PAWR: variants seen among roughly 807,000 people sequenced by gnomAD.
PAWR encodes PRKC apoptosis WT1 regulator protein.
Under a neutral mutation model 32.0 loss-of-function variants are expected in PAWR, and 23 were observed. That is an observed-to-expected ratio of 0.72 (90% CI 0.52 to 1.02). The LOEUF (loss-of-function observed/expected upper bound fraction) is 1.02. Ranked by LOEUF, PAWR falls within the 50% of genes least tolerant of loss-of-function variation. PAWR has a pLI of 0.00. For synonymous variants in PAWR, 226 were observed against 187.1 expected (o/e 1.21, Z -1.70); for missense variants, 457 against 437.7 (o/e 1.04, Z -0.39).
intron 4 of PAWR, among the ~76,000 whole-genome samples, chr12:79,607,654 G>A (rs1874241446): frequency 6.6e-6 from 1 of 151,472 alleles, no homozygotes; most frequent in Non-Finnish European, 1.5e-5. Flanking sequence ...ACCTGAGCCA[G>A]GGAATTGAGG....
chr12:79,625,094 A>G (rs1875219508), intron 2 of PAWR, among the ~76,000 whole-genome samples: 1 of 152,090 alleles, frequency 6.6e-6, no homozygotes, highest in South Asian at 2.1e-4. Context: ...TTTTGCCAAT[A>G]TAATAATTGA....
intron 2 of PAWR, among the ~76,000 whole-genome samples, chr12:79,646,260 G>T (rs184511478): frequency 3.3e-5 from 5 of 152,208 alleles, no homozygotes; most frequent in African/African-American, 1.2e-4. Flanking sequence ...AGAAAAAGCT[G>T]TAGTAGTAGT....
At chr12:79,682,866 TA>T (rs1878509207) in intron 2 of PAWR, among the ~76,000 whole-genome samples, 1 of 152,224 alleles carries the variant, frequency 6.6e-6, no homozygotes, top group Non-Finnish European at 1.5e-5. Flanking sequence ...GTAAGATTTG[TA>T]ATCAATGGGA....
intron 2 of PAWR, among the ~76,000 whole-genome samples, chr12:79,682,673 T>C (rs1238095963): frequency 6.6e-6 from 1 of 152,216 alleles, no homozygotes; most frequent in East Asian, 1.9e-4. Context: ...CGTTCAGCCA[T>C]GGTGCCCTGT....
chr12:79,608,433 A>G (rs1396636158), intron 4 of PAWR, among the ~76,000 whole-genome samples: 1 of 152,144 alleles, frequency 6.6e-6, no homozygotes, highest in Non-Finnish European at 1.5e-5. Context: ...GCGCGCTCCT[A>G]TGAGAATCTA....
Position 79,605,047 on chromosome 12 carries a change from GATA to G in PAWR, c.684-8392_684-8390del, listed in dbSNP as rs201119566. Among the ~76,000 whole-genome samples, 598 of 151,622 alleles carry G rather than the reference GATA, an allele frequency of 3.9e-3. 4 individuals are homozygous for G. The highest frequency in any genetic ancestry group is 0.022 in the East Asian group (116 of 5,182). ...CAGTTTATCACATGAATAGTTCTCA[GATA>G]ATATTTTATATATACTTTTTGTATC... On this transcript the variant is annotated intron_variant, in intron 4 of 6. Transcript: ENST00000328827.
intron 2 of PAWR, among the ~76,000 whole-genome samples, chr12:79,672,864 C>T (rs905757625): frequency 1.3e-5 from 2 of 152,152 alleles, no homozygotes; most frequent in East Asian, 1.9e-4. Context: ...TTTCCCACCA[C>T]TATCTGTCCT....
chr12:79,649,339 A>G (rs1312696620), intron 2 of PAWR, among the ~76,000 whole-genome samples: 1 of 152,158 alleles, frequency 6.6e-6, no homozygotes, highest in African/African-American at 2.4e-5. Flanking sequence ...CTTTATGTTA[A>G]GGACATTTAT....
intron 2 of PAWR, among the ~76,000 whole-genome samples, chr12:79,648,615 T>C (rs1462164422): frequency 6.9e-5 from 8 of 116,188 alleles, no homozygotes; most frequent in Non-Finnish European, 1.3e-4. Flanking sequence ...AGACCCTGTC[T>C]CTAAAAAAAA....
Position 79,596,647 on chromosome 12 carries a change from A to T in PAWR, c.695T>A (p.Val232Asp), listed in dbSNP as rs766046124. 1 of 1,587,182 alleles carries T rather than the reference A, an allele frequency of 6.3e-7. No individual in the cohort carries two copies. The highest frequency in any genetic ancestry group is 8.6e-7 in the Non-Finnish European group (1 of 1,167,650). ...VSGRYKSTTS[V>D]SEEDVSSRYS... ...TCTACTTGAGACATCTTCTTCAGAG[A>T]CACTGGTTGTGCTGTGGAAATATAA... The change falls in exon 5 of 7, where the codon GTC (valine) becomes GAC (aspartate). Residue 232 changes from valine to aspartate, a missense_variant. By Grantham distance (152) the Val-to-Asp change is radical. Transcript: ENST00000328827.
chr12:79,669,641 T>C (rs946594840), intron 2 of PAWR, among the ~76,000 whole-genome samples: 1 of 152,196 alleles, frequency 6.6e-6, no homozygotes, highest in African/African-American at 2.4e-5. Context: ...AAAAATCAAA[T>C]GATACATGGA....
Position 79,689,981 on chromosome 12 carries a change from G to GC in PAWR, c.263dup (p.Val89ArgfsTer38). On this transcript the variant is annotated frameshift_variant, in exon 2 of 7. Transcript: ENST00000328827. LOFTEE classifies it high-confidence loss of function. ...TGGCGGAGCCGACCGCGCAGTTCACGCCCCCGGGACCGGGGACGGCAGGTG... is the reference window on the plus strand; with the variant it reads ...TGGCGGAGCCGACCGCGCAGTTCACGCCCCCCGGGACCGGGGACGGCAGGTG... The GC allele has an allele frequency of 7.5e-7, 1 of 1,338,112 alleles. No homozygotes were observed. The highest frequency in any genetic ancestry group is 1.5e-5 in the African/African-American group (1 of 64,656). 82.9% of individuals were successfully genotyped at this position (1,338,112 alleles called of 1,614,324 possible).
At chr12:79,675,808 C>T (rs1878135540) in intron 2 of PAWR, among the ~76,000 whole-genome samples, 1 of 152,066 alleles carries the variant, frequency 6.6e-6, no homozygotes, top group Admixed American at 6.5e-5. Flanking sequence ...ATTATCTGTA[C>T]ACCAAACCCC....
At chr12:79,634,803 G>A (rs191601903) in intron 2 of PAWR, among the ~76,000 whole-genome samples, 2 of 151,062 alleles carry the variant, frequency 1.3e-5, no homozygotes, top group Non-Finnish European at 2.9e-5. Context: ...ATGGGTTGAT[G>A]ATTATTATTG....
chr12:79,670,480 A>G (rs1877837765), intron 2 of PAWR, among the ~76,000 whole-genome samples: 1 of 152,194 alleles, frequency 6.6e-6, no homozygotes, highest in African/African-American at 2.4e-5. Context: ...AAAAAATGCA[A>G]TGAATAAGAA....
intron 4 of PAWR, among the ~76,000 whole-genome samples, chr12:79,605,760 G>C (rs1874152567): frequency 6.6e-6 from 1 of 152,052 alleles, no homozygotes; most frequent in African/African-American, 2.4e-5. Flanking sequence ...ATTATGCTTA[G>C]CAAATGACGA....
At chr12:79,659,507 TAA>T (rs1877250012) in intron 2 of PAWR, among the ~76,000 whole-genome samples, 1 of 152,126 alleles carries the variant, frequency 6.6e-6, no homozygotes, top group Non-Finnish European at 1.5e-5. Flanking sequence ...TGTACAGAAG[TAA>T]TACATGACTA....
At chr12:79,622,164 A>T (rs1875053489) in intron 2 of PAWR, among the ~76,000 whole-genome samples, 2 of 152,182 alleles carry the variant, frequency 1.3e-5, no homozygotes, top group Admixed American at 1.3e-4. Flanking sequence ...AAAACACTGA[A>T]GCCATTGTGC....
intron 2 of PAWR, among the ~76,000 whole-genome samples, chr12:79,634,535 A>G (rs921065314): frequency 3.9e-5 from 6 of 152,214 alleles, no homozygotes; most frequent in Admixed American, 3.9e-4. Context: ...TTTGTTGAAT[A>G]GTGCAGTCAG....
Sources: gnomAD v4.1 joint callset for allele counts (sites outside exome capture counted in the v4.1 genomes callset) on GRCh38, gnomAD v4.1.1 for gene constraint, MANE v1.5 for transcripts, NCBI Gene and HGNC (gene_info 2026-07-23, HGNC 2026-07-21) for gene names.